The following NME7 variants were observed in gnomAD, a reference collection of about 807,000 sequenced individuals.
NME7 encodes the protein NME/NM23 family member 7.
Under a neutral mutation model 49.1 loss-of-function variants are expected in NME7, and 41 were observed. That is an observed-to-expected ratio of 0.83 (90% confidence interval 0.65 to 1.08). NME7 has a LOEUF of 1.08. NME7 is among the 50% of genes least tolerant of loss of function. The probability of loss-of-function intolerance (pLI) is 0.00; values close to 1 mark genes in which losing one functional copy is unlikely to be tolerated. For synonymous variants in NME7, 139 were observed against 150.6 expected, an observed-to-expected ratio of 0.92 and a Z score of 0.56; for missense variants, 423 against 463.4, an observed-to-expected ratio of 0.91 and a Z score of 0.80.
intron 2 of NME7, 85 bp from the exon 3 acceptor site, chr1:169,323,368 T>G: frequency 2.7e-6 from 3 of 1,101,314 alleles, no homozygotes; most frequent in South Asian, 5.2e-5. Context: ...TAGAAATAAT[T>G]CTTAATTCTG....
chr1:169,358,059 A>AGAAAGAG (rs1162316334), intron 1 of NME7, among the ~76,000 whole-genome samples: 3 of 152,066 alleles, frequency 2.0e-5, no homozygotes, highest in Non-Finnish European at 4.4e-5. Flanking sequence ...AATCTATAAG[A>AGAAAGAG]GAAATTTAGG....
chr1:169,279,938 T>C (rs1258250976), intron 7 of NME7, among the ~76,000 whole-genome samples: 2 of 152,252 alleles, frequency 1.3e-5, no homozygotes, highest in Non-Finnish European at 2.9e-5. Flanking sequence ...TGAATCTGTC[T>C]TTACAGCAGA....
At chr1:169,238,531 T>C (rs1420697359) in intron 7 of NME7, among the ~76,000 whole-genome samples, 1 of 149,818 alleles carries the variant, frequency 6.7e-6, no homozygotes, top group Non-Finnish European at 1.5e-5. Context: ...TTCTGGATCA[T>C]CTGGATCTTA....
chr1:169,235,249 G>T, intron 8 of NME7, 50 bp from the exon 9 acceptor site: 1 of 978,102 alleles, frequency 1.0e-6, no homozygotes, highest in South Asian at 1.7e-5. Flanking sequence ...CCAACAAAAG[G>T]GAAATAAATA....
chr1:169,180,838 G>T (rs916937642), intron 10 of NME7, among the ~76,000 whole-genome samples: 1 of 151,960 alleles, frequency 6.6e-6, no homozygotes, highest in Non-Finnish European at 1.5e-5. Flanking sequence ...CAAGTCCTGG[G>T]TGTGTATTTT....
chr1:169,268,503 C>T (rs530363110), intron 7 of NME7, among the ~76,000 whole-genome samples: 1 of 133,682 alleles, frequency 7.5e-6, no homozygotes, highest in Admixed American at 7.4e-5. Context: ...CACTGAAGCA[C>T]TATTCACAAT....
chr1:169,355,898 AC>A (rs1402857905), intron 1 of NME7, among the ~76,000 whole-genome samples: 2 of 152,156 alleles, frequency 1.3e-5, no homozygotes, highest in Admixed American at 1.3e-4. Context: ...AGTGCCTGGC[AC>A]TCAAGAGAAA....
At chr1:169,203,788 G>GTTA (rs1353146073) in intron 10 of NME7, among the ~76,000 whole-genome samples, 26 of 152,068 alleles carry the variant, frequency 1.7e-4, no homozygotes, top group Admixed American at 1.7e-3. Context: ...GCTAATGATG[G>GTTA]TTAGCAAAGG....
intron 7 of NME7, among the ~76,000 whole-genome samples, chr1:169,279,831 C>T (rs1442784818): frequency 1.3e-5 from 2 of 152,000 alleles, no homozygotes; most frequent in African/African-American, 4.8e-5. Flanking sequence ...GCCATCTTGG[C>T]TCCTCCCCAC....
chr1:169,281,889 G>A (rs1390854608), intron 7 of NME7, among the ~76,000 whole-genome samples: 1 of 152,126 alleles, frequency 6.6e-6, no homozygotes, highest in Non-Finnish European at 1.5e-5. Context: ...TGTTCATCAG[G>A]GATATTGGCC....
At chr1:169,193,413 T>C (rs1660290047) in intron 10 of NME7, among the ~76,000 whole-genome samples, 1 of 152,146 alleles carries the variant, frequency 6.6e-6, no homozygotes. Flanking sequence ...CCAACTTAAC[T>C]GAACTGAAAC....
intron 1 of NME7, among the ~76,000 whole-genome samples, chr1:169,344,077 AT>A (rs982113310): frequency 6.6e-6 from 1 of 152,060 alleles, no homozygotes; most frequent in Non-Finnish European, 1.5e-5. Context: ...TAGGTCTTTA[AT>A]TTTACTCAGC....
chr1:169,169,868 T>C (rs1305410365), intron 10 of NME7, among the ~76,000 whole-genome samples: 1 of 152,244 alleles, frequency 6.6e-6, no homozygotes, highest in Non-Finnish European at 1.5e-5. Flanking sequence ...ACCAATTTGA[T>C]GCTATTGATT....
intron 1 of NME7, among the ~76,000 whole-genome samples, chr1:169,352,662 A>G (rs967400387): frequency 6.6e-6 from 1 of 152,172 alleles, no homozygotes; most frequent in African/African-American, 2.4e-5. Context: ...TTACCTTTGG[A>G]AAAACCTAAA....
chr1:169,184,784 T>A (rs1303504317), intron 10 of NME7, among the ~76,000 whole-genome samples: 2 of 152,158 alleles, frequency 1.3e-5, no homozygotes, highest in Admixed American at 1.3e-4. Flanking sequence ...TAATAAACAG[T>A]CGGTGATGTG....
chr1:169,255,640 TG>T (rs1307663520), intron 7 of NME7, among the ~76,000 whole-genome samples: 1 of 127,668 alleles, frequency 7.8e-6, no homozygotes, highest in African/African-American at 2.6e-5. Context: ...CGTTAGTTGA[TG>T]CAGTTTCTTC....
In NME7 at chr1:169,153,395, G is replaced by C. The variant is rs1308906779; in HGVS notation, c.1098+16052C>G. On this transcript the variant is annotated intron_variant, in intron 11 of 11. Coordinates refer to ENST00000367811, the MANE Select transcript of NME7 (RefSeq NM_013330.5). ...ATTTATCTCCCATACTCTACCAAAG[G>C]AACCCTCCACTTCAACCAGAGGAAC... is the stretch of plus-strand genomic sequence containing the variant. Among the ~76,000 whole-genome samples the C allele has an allele frequency of 2.6e-5, 4 of 151,892 alleles. No individual in the cohort carries two copies. The East Asian group carries it at 7.7e-4, about 29-fold the overall frequency.
intron 2 of NME7, among the ~76,000 whole-genome samples, chr1:169,323,914 C>T (rs184240268): frequency 2.3e-5 from 3 of 132,164 alleles, no homozygotes; most frequent in East Asian, 2.3e-4. Flanking sequence ...AGTGCAGTGG[C>T]GTGATCTCAG....
chr1:169,273,367 T>C (rs1649563385), intron 7 of NME7, among the ~76,000 whole-genome samples: 1 of 133,022 alleles, frequency 7.5e-6, no homozygotes, highest in Non-Finnish European at 1.8e-5. Context: ...GCTTCATCCA[T>C]GTCCAATCAA....
Sources: gnomAD v4.1 joint callset for allele counts (sites outside exome capture counted in the v4.1 genomes callset) on GRCh38, gnomAD v4.1.1 for gene constraint, MANE v1.5 for transcripts, NCBI Gene and HGNC (gene_info 2026-07-23, HGNC 2026-07-21) for gene names.